The following WDR27 variants were observed in gnomAD, a reference collection of about 807,000 sequenced individuals.
The protein encoded by WDR27 is WD repeat domain 27.
WDR27 carries 100 observed loss-of-function variants against 114.4 expected under a neutral mutation model. The ratio of observed to expected loss-of-function variants is 0.87; its 90% confidence interval spans 0.74 to 1.03. The LOEUF (loss-of-function observed/expected upper bound fraction) is 1.03, where lower values mean the gene tolerates loss of function less well. Ranked by LOEUF, WDR27 falls within the 50% of genes least tolerant of loss-of-function variation. The pLI is 0.00. For missense variants in WDR27, 1,129 were observed against 1,092.9 expected, an observed-to-expected ratio of 1.03 and a Z score of -0.47; for synonymous variants, 449 against 423.1, an observed-to-expected ratio of 1.06 and a Z score of -0.75.
the WDR27 span, among the ~76,000 whole-genome samples, chr6:169,438,299 G>A: frequency 4.1e-5 from 6 of 145,684 alleles, no homozygotes; most frequent in Non-Finnish European, 7.5e-5. Flanking sequence ...GTGCAGTGGC[G>A]CGATCTCAGC....
chr6:169,638,322 CAAAAA>C (rs60501000), intron 18 of WDR27, among the ~76,000 whole-genome samples: 8 of 11,058 alleles, frequency 7.2e-4, no homozygotes, highest in Non-Finnish European at 1.5e-3. Context: ...GACTCCGTCT[CAAAAA>C]AAAAAAAAAA....
At chr6:169,611,072 T>C (rs1810415240) in intron 22 of WDR27, among the ~76,000 whole-genome samples, 1 of 151,948 alleles carries the variant, frequency 6.6e-6, no homozygotes, top group Admixed American at 6.5e-5. Flanking sequence ...AAATAAAAGA[T>C]TAAAAAGGGT....
At chr6:169,646,338 AG>A (rs1820743086) in intron 16 of WDR27, among the ~76,000 whole-genome samples, 1 of 152,240 alleles carries the variant, frequency 6.6e-6, no homozygotes, top group African/African-American at 2.4e-5. Flanking sequence ...CACCCAGGAC[AG>A]GATGCCAATG....
At chr6:169,632,852 A>G (rs866509613) in intron 21 of WDR27, 95 bp downstream of exon 21, 35 of 1,194,416 alleles carry the variant, frequency 2.9e-5, no homozygotes, top group Middle Eastern at 3.1e-4. Context: ...ATTTGGTAGC[A>G]AACACTTATA....
In WDR27 at chr6:169,638,644, C is replaced by T. The variant is rs368564816; in HGVS notation, c.1764G>A (p.Val588=). 1 of 1,604,866 alleles carries T rather than the reference C, an allele frequency of 6.2e-7. No homozygotes were observed. The highest frequency in any genetic ancestry group is 8.5e-7 in the Non-Finnish European group (1 of 1,175,666). ...GGTCCTGGCTCCAGCACACGGCATTCACTGCCCCGTCGTGACCTAACAGGA... is the reference window on the plus strand; with the variant it reads ...GGTCCTGGCTCCAGCACACGGCATTTACTGCCCCGTCGTGACCTAACAGGA... ...PAVFSGHDGA[V]NAVCWSQDRR... is the part of the protein sequence containing the mutation. The change falls in exon 18 of 26, where the codon GTG becomes GTA. Residue 588 remains valine (V), a synonymous_variant. Transcript: ENST00000448612.
At chr6:169,606,415 T>G (rs1809195392) in intron 22 of WDR27, among the ~76,000 whole-genome samples, 1 of 152,180 alleles carries the variant, frequency 6.6e-6, no homozygotes, top group South Asian at 2.1e-4. Context: ...ACCCATCACC[T>G]AGGTATTAAG....
At chr6:169,557,959 G>A (rs191041367) in intron 25 of WDR27, among the ~76,000 whole-genome samples, 1 of 152,074 alleles carries the variant, frequency 6.6e-6, no homozygotes, top group African/African-American at 2.4e-5. Flanking sequence ...TTTTATAGCA[G>A]CCTAAGTGTC....
At chr6:169,516,502 C>T (rs966074367) in intron 25 of WDR27, among the ~76,000 whole-genome samples, 4 of 152,136 alleles carry the variant, frequency 2.6e-5, no homozygotes, top group Non-Finnish European at 4.4e-5. Flanking sequence ...GGGGAATGGG[C>T]GGTGGGGACA....
chr6:169,456,732 C>A (rs1009335265), downstream of WDR27, among the ~76,000 whole-genome samples: 13 of 152,162 alleles, frequency 8.5e-5, no homozygotes, highest in South Asian at 8.3e-4. The surrounding 1 kb of genome is among the most constrained non-coding windows in gnomAD (Gnocchi z 4.0). Context: ...CCATGCAGAA[C>A]CCATGGGCAG....
chr6:169,599,751 T>G (rs1412727322), intron 23 of WDR27, among the ~76,000 whole-genome samples: 1 of 152,226 alleles, frequency 6.6e-6, no homozygotes, highest in Non-Finnish European at 1.5e-5. Context: ...TTTTTGTGTC[T>G]CTATTTCCTT....
intron 1 of WDR27, among the ~76,000 whole-genome samples, chr6:169,692,423 C>A (rs565106516): frequency 1.8e-4 from 28 of 152,200 alleles, no homozygotes; most frequent in Admixed American, 5.9e-4. Context: ...ACAGGAGCTG[C>A]CAACACTGTG....
intron 13 of WDR27, among the ~76,000 whole-genome samples, chr6:169,654,279 G>A (rs1040594788): frequency 1.3e-5 from 2 of 152,130 alleles, no homozygotes; most frequent in Non-Finnish European, 2.9e-5. Context: ...AAGCATTCAG[G>A]TATAGAAACA....
At chr6:169,452,242 C>T (rs563567609), downstream of WDR27, among the ~76,000 whole-genome samples, 4 of 152,384 alleles carry the variant, frequency 2.6e-5, no homozygotes, top group South Asian at 8.3e-4. Context: ...ACGCCTTACT[C>T]ACTGCGGCTG....
At chr6:169,517,839 T>C (rs2997889) in intron 25 of WDR27, among the ~76,000 whole-genome samples, 149,960 of 152,334 alleles carry the variant, frequency 0.98, 73,820 homozygotes, top group Middle Eastern at 1. Context: ...TGTTCAAGAT[T>C]GCTTGCATGT....
intron 25 of WDR27, among the ~76,000 whole-genome samples, chr6:169,546,826 G>A (rs185272217): frequency 6.3e-4 from 96 of 151,786 alleles, no homozygotes; most frequent in Non-Finnish European, 1.3e-3. Flanking sequence ...GCTGGCTTAC[G>A]TAAAACTCAA....
intron 25 of WDR27, among the ~76,000 whole-genome samples, chr6:169,464,065 T>C (rs887649492): frequency 6.6e-6 from 1 of 152,182 alleles, no homozygotes; most frequent in Non-Finnish European, 1.5e-5. Flanking sequence ...CTCTGAATAG[T>C]AAAAACAATC....
intron 13 of WDR27, among the ~76,000 whole-genome samples, chr6:169,657,156 G>A (rs1824448467): frequency 6.6e-6 from 1 of 152,194 alleles, no homozygotes; most frequent in Non-Finnish European, 1.5e-5. Context: ...CAAGCAAACA[G>A]CTCCAGCCCC....
the WDR27 span, among the ~76,000 whole-genome samples, chr6:169,435,968 TTTATA>T: frequency 6.6e-6 from 1 of 152,220 alleles, no homozygotes; most frequent in Non-Finnish European, 1.5e-5. Context: ...CACCAGTGAA[TTTATA>T]TTATTATGTT....
intron 4 of WDR27, 104 bp downstream of exon 4, chr6:169,670,465 A>C: frequency 7.5e-7 from 1 of 1,332,014 alleles, no homozygotes; most frequent in Non-Finnish European, 1.0e-6. Context: ...CTTAAAAAAA[A>C]AGGAGTACAG....
Sources: gnomAD v4.1 joint callset for allele counts (sites outside exome capture counted in the v4.1 genomes callset) on GRCh38, gnomAD v4.1.1 for gene constraint, Gnocchi (gnomAD v3.1) non-coding constraint, MANE v1.5 for transcripts, NCBI Gene and HGNC (gene_info 2026-07-23, HGNC 2026-07-21) for gene names.